The following HHAT variants were observed in gnomAD, a reference collection of about 807,000 sequenced individuals.
The protein encoded by HHAT is protein-cysteine N-palmitoyltransferase HHAT.
A neutral mutation model predicts 70.8 loss-of-function variants in HHAT; 47 were observed. The observed-to-expected ratio is 0.66, with a 90% CI of 0.53 to 0.85. The LOEUF is 0.85. HHAT is among the 40% of genes least tolerant of loss of function. HHAT has a pLI of 0.00. For missense variants in HHAT, 609 were observed against 604.8 expected, an observed-to-expected ratio of 1.01 and a Z score of -0.07; for synonymous variants, 228 against 247.6, an observed-to-expected ratio of 0.92 and a Z score of 0.74.
chr1:210,568,751 G>A (rs772521165), intron 9 of HHAT, among the ~76,000 whole-genome samples: 3 of 152,130 alleles, frequency 2.0e-5, no homozygotes, highest in Non-Finnish European at 4.4e-5. Context: ...CAAATGGAGA[G>A]GCTATTTCCT....
chr1:210,374,107 TG>T (rs1228283180), intron 3 of HHAT: 1 of 149,506 alleles, frequency 6.7e-6, no homozygotes, highest in Non-Finnish European at 1.5e-5. Flanking sequence ...AGCCTAAAGT[TG>T]CACCATAATG....
At chr1:210,373,338 C>G (rs753370177) in intron 3 of HHAT, among the ~76,000 whole-genome samples, 4 of 152,116 alleles carry the variant, frequency 2.6e-5, no homozygotes, top group African/African-American at 4.8e-5. Context: ...ATTTCCTTCT[C>G]TCAGTACATT....
chr1:210,412,806 C>T (rs915613317), intron 6 of HHAT, among the ~76,000 whole-genome samples: 2 of 152,224 alleles, frequency 1.3e-5, no homozygotes, highest in African/African-American at 4.8e-5. Flanking sequence ...CTCTGCTGGG[C>T]CCTGCCTCTG....
At chr1:210,419,369 G>A (rs944065153) in intron 7 of HHAT, among the ~76,000 whole-genome samples, 1 of 152,282 alleles carries the variant, frequency 6.6e-6, no homozygotes, top group East Asian at 1.9e-4. Context: ...TATAGGATTT[G>A]TCTGTGGAGA....
intron 11 of HHAT, among the ~76,000 whole-genome samples, chr1:210,667,597 G>A (rs1229192783): frequency 6.6e-6 from 1 of 151,994 alleles, no homozygotes; most frequent in Non-Finnish European, 1.5e-5. Context: ...ACAATTGGCT[G>A]AATTTTGCCA....
At chr1:210,429,318 A>G (rs1367372638) in intron 7 of HHAT, among the ~76,000 whole-genome samples, 2 of 151,892 alleles carry the variant, frequency 1.3e-5, no homozygotes, top group African/African-American at 2.4e-5. Flanking sequence ...AGTTGTCTCC[A>G]AATATATTTT....
chr1:210,567,988 G>C (rs1343035361), intron 9 of HHAT, among the ~76,000 whole-genome samples: 1 of 152,206 alleles, frequency 6.6e-6, no homozygotes, highest in Non-Finnish European at 1.5e-5. Flanking sequence ...GAATGTTAAG[G>C]AGTTGACTGG....
At chr1:210,515,284 C>T (rs1249027184) in intron 9 of HHAT, among the ~76,000 whole-genome samples, 1 of 152,130 alleles carries the variant, frequency 6.6e-6, no homozygotes, top group African/African-American at 2.4e-5. Context: ...TGACAGTGCG[C>T]CCCAACAAGC....
At chr1:210,610,444 A>G (rs947928614) in intron 10 of HHAT, among the ~76,000 whole-genome samples, 16 of 152,176 alleles carry the variant, frequency 1.1e-4, no homozygotes, top group African/African-American at 3.9e-4. Context: ...ATAGATTGCA[A>G]ATATTTACTC....
Position 210,603,427 on chromosome 1 carries a change from T to C in HHAT, c.1245+15328T>C, listed in dbSNP as rs562882048. On this transcript the variant is annotated intron_variant, in intron 10 of 11. Coordinates refer to ENST00000261458, the MANE Select transcript of HHAT (RefSeq NM_018194.6). ...GCCTAGCAGCTTTCCATAGATGAAC[T>C]TGGGAAAAATAAATAATCTTAGTAT... 2.0e-5 allele frequency among the ~76,000 whole-genome samples: 3 copies of C among 152,222 alleles called. No individual in the cohort carries two copies. In the East Asian group the frequency reaches 5.8e-4, roughly 29 times the overall value.
At chr1:210,625,177 C>T (rs908529654) in intron 11 of HHAT, among the ~76,000 whole-genome samples, 15 of 152,186 alleles carry the variant, frequency 9.9e-5, no homozygotes, top group Admixed American at 2.0e-4. Flanking sequence ...GAAAAGACCA[C>T]GTACTTTCTA....
At chr1:210,570,361 A>G (rs968423621) in intron 9 of HHAT, among the ~76,000 whole-genome samples, 5 of 152,164 alleles carry the variant, frequency 3.3e-5, no homozygotes, top group African/African-American at 7.2e-5. Flanking sequence ...GGTCCTCTAG[A>G]GAGCTGTGCA....
intron 2 of HHAT, among the ~76,000 whole-genome samples, chr1:210,355,188 TC>T (rs1376730464): frequency 5.3e-5 from 8 of 152,198 alleles, no homozygotes; most frequent in African/African-American, 1.9e-4. Context: ...TTTATTGAAT[TC>T]TCTTATGTTC....
At chr1:210,477,546 A>G (rs1403489870) in intron 8 of HHAT, among the ~76,000 whole-genome samples, 1 of 152,174 alleles carries the variant, frequency 6.6e-6, no homozygotes, top group Non-Finnish European at 1.5e-5. Context: ...CTATTTACAT[A>G]GGAGAGCTGA....
intron 9 of HHAT, among the ~76,000 whole-genome samples, chr1:210,515,295 A>C: frequency 6.6e-6 from 1 of 152,192 alleles, no homozygotes; most frequent in East Asian, 1.9e-4. Flanking sequence ...CCCAACAAGC[A>C]AACAACTTAA....
At chr1:210,443,645 TTGTC>T (rs1465373586) in intron 7 of HHAT, among the ~76,000 whole-genome samples, 1 of 31,924 alleles carries the variant, frequency 3.1e-5, no homozygotes, top group Non-Finnish European at 6.8e-5. Context: ...GGCTCTCTGT[TTGTC>T]TGTTGTTGGT....
chr1:210,525,780 C>T (rs1467125915), intron 9 of HHAT, among the ~76,000 whole-genome samples: 1 of 152,114 alleles, frequency 6.6e-6, no homozygotes, highest in Non-Finnish European at 1.5e-5. Flanking sequence ...GTGACTTACT[C>T]AGGATATTTG....
At chr1:210,368,018 T>C (rs943135390) in intron 3 of HHAT, among the ~76,000 whole-genome samples, 8 of 150,596 alleles carry the variant, frequency 5.3e-5, no homozygotes, top group African/African-American at 2.0e-4. Context: ...TCCCTTTTTC[T>C]TTCTTCTTGC....
chr1:210,404,051 TC>T (rs1467768682), intron 5 of HHAT, among the ~76,000 whole-genome samples: 7 of 151,348 alleles, frequency 4.6e-5, no homozygotes, highest in African/African-American at 7.3e-5. Context: ...AAGACAGAAA[TC>T]CCATGGGACA....
Sources: gnomAD v4.1 joint callset for allele counts (sites outside exome capture counted in the v4.1 genomes callset) on GRCh38, gnomAD v4.1.1 for gene constraint, MANE v1.5 for transcripts, NCBI Gene and HGNC (gene_info 2026-07-23, HGNC 2026-07-21) for gene names.